Variants in ADCY10 observed in about 807,000 individuals in gnomAD.
ADCY10 encodes adenylate cyclase type 10.
In ADCY10, 156 loss-of-function variants were observed where a neutral mutation model predicts 183.3. That is an observed-to-expected ratio of 0.85 (90% CI 0.75 to 0.97). The LOEUF (loss-of-function observed/expected upper bound fraction) is 0.97. ADCY10 is among the 50% of genes least tolerant of loss of function. The pLI is 0.00. For synonymous variants in ADCY10, 645 were observed against 670.0 expected (o/e 0.96, Z 0.58); for missense variants, 1,745 against 1,934.3 (o/e 0.90, Z 1.84).
At chr1:167,852,050 TG>T (rs1188408603) in intron 18 of ADCY10, among the ~76,000 whole-genome samples, 1 of 152,220 alleles carries the variant, frequency 6.6e-6, no homozygotes, top group African/African-American at 2.4e-5. Flanking sequence ...CACAATATTA[TG>T]TAACCAGAAT....
chr1:167,891,342 C>G (rs1171748197), intron 8 of ADCY10, among the ~76,000 whole-genome samples: 1 of 151,938 alleles, frequency 6.6e-6, no homozygotes, highest in African/African-American at 2.4e-5. Context: ...CTCTCCAACA[C>G]AACAGGCACA....
At chr1:167,855,485 A>C (rs1409729234) in intron 17 of ADCY10, among the ~76,000 whole-genome samples, 1 of 152,184 alleles carries the variant, frequency 6.6e-6, no homozygotes, top group Non-Finnish European at 1.5e-5. Flanking sequence ...GCCAGGTAAG[A>C]CCTTGCTTAG....
At chr1:167,879,960 T>C (rs1667753391) in intron 11 of ADCY10, among the ~76,000 whole-genome samples, 155 bp downstream of exon 11, 1 of 152,222 alleles carries the variant, frequency 6.6e-6, no homozygotes, top group African/African-American at 2.4e-5. Flanking sequence ...TCTGCAAGCA[T>C]TGAGGGCTCC....
chr1:167,820,007 A>C, intron 30 of ADCY10: 1 of 1,542,768 alleles, frequency 6.5e-7, no homozygotes, highest in Non-Finnish European at 9.0e-7. Context: ...TCTCCTTGGG[A>C]CTTTCTTCTT....
rs777295696 is a variant in ADCY10 at position 167,810,901 on chromosome 1, G to C, written c.4495C>G (p.Leu1499Val). ...GEELLKNLEN[L>V]VAQNTTGPVF... is the part of the protein sequence containing the mutation. ...GGGCCAGTGGTATTTTGAGCCACCA[G>C]ATTCTCCAAGTTCTAAAGAAAAAAA... The change falls in exon 32 of 33, where the codon CTG (leucine) becomes GTG (valine). Residue 1499 changes from leucine to valine, a missense_variant. Transcript: ENST00000367851. The C allele has an allele frequency of 4.3e-6, 7 of 1,613,974 alleles. No homozygotes were observed. The highest frequency in any genetic ancestry group is 5.9e-6 in the Non-Finnish European group (7 of 1,180,020).
At chr1:167,885,333 G>C (rs1236045520) in intron 8 of ADCY10, among the ~76,000 whole-genome samples, 2 of 152,124 alleles carry the variant, frequency 1.3e-5, no homozygotes, top group Non-Finnish European at 2.9e-5. Flanking sequence ...TTGTATGGTA[G>C]CTCTATTTTT....
intron 21 of ADCY10, among the ~76,000 whole-genome samples, chr1:167,840,254 G>C (rs1664518470): frequency 6.6e-6 from 1 of 151,758 alleles, no homozygotes; most frequent in African/African-American, 2.4e-5. Flanking sequence ...TGGTAATGGT[G>C]ATAGAATGGG....
intron 6 of ADCY10, among the ~76,000 whole-genome samples, chr1:167,899,146 G>C (rs1447588698): frequency 6.6e-6 from 1 of 152,148 alleles, no homozygotes; most frequent in Non-Finnish European, 1.5e-5. Flanking sequence ...GGTTCCTTAA[G>C]CAAGGTCGCT....
intron 17 of ADCY10, 52 bp from the exon 18 acceptor site, chr1:167,854,541 A>G (rs766723141): frequency 6.3e-7 from 1 of 1,596,104 alleles, no homozygotes; most frequent in South Asian, 1.1e-5. Context: ...TCTTTTAGGA[A>G]GGAAAAATAT....
chr1:167,824,601 TG>T, intron 27 of ADCY10, 29 bp from the exon 28 acceptor site: 1 of 1,614,138 alleles, frequency 6.2e-7, no homozygotes, highest in East Asian at 2.2e-5. Context: ...CAGTATATTG[TG>T]GGGCATTCCT....
At chr1:167,819,884 T>G in intron 30 of ADCY10, 1 of 872,576 alleles carries the variant, frequency 1.1e-6, no homozygotes, top group Non-Finnish European at 1.9e-6. Flanking sequence ...AATAGCCAAA[T>G]ATTTAAAGCC....
At chr1:167,904,340 C>G (rs774332192) in intron 2 of ADCY10, among the ~76,000 whole-genome samples, 1 of 152,124 alleles carries the variant, frequency 6.6e-6, no homozygotes, top group African/African-American at 2.4e-5. Flanking sequence ...CCCTCCTCGG[C>G]CTCCAAAAGT....
At chr1:167,904,838 A>C in intron 2 of ADCY10, 155 bp downstream of exon 2, 1 of 950,882 alleles carries the variant, frequency 1.1e-6, no homozygotes, top group Non-Finnish European at 1.7e-6. Context: ...GCCACAAGCT[A>C]TTTCCTCCCT....
chr1:167,874,346 A>T (rs758239784), intron 13 of ADCY10, among the ~76,000 whole-genome samples: 85 of 152,134 alleles, frequency 5.6e-4, no homozygotes, highest in Admixed American at 1.3e-3. Flanking sequence ...AAATAAATAA[A>T]TAAATAAATC....
chr1:167,812,107 G>A (rs1235401165), intron 31 of ADCY10, among the ~76,000 whole-genome samples: 1 of 152,072 alleles, frequency 6.6e-6, no homozygotes, highest in Middle Eastern at 3.2e-3. Context: ...TGGGAACAAG[G>A]GTGGGCAAAA....
In ADCY10 at chr1:167,899,491, T is replaced by C; in HGVS notation, c.574A>G (p.Asn192Asp). 1 of 1,614,196 alleles carries C rather than the reference T, an allele frequency of 6.2e-7. No homozygotes were observed. The highest frequency in any genetic ancestry group is 2.2e-5 in the East Asian group (1 of 44,884). Reference protein sequence around the residue: ...AQMNDVILSPNCWQLCDRSMI... With the variant: ...AQMNDVILSPDCWQLCDRSMI... ...CTCCGGTCACAGAGCTGCCAGCAGT[T>C]TGGTGACAGAATAACATCATTCATC... Residue 192 changes from asparagine (N) to aspartate (D), a missense_variant, in exon 6 of 33, where the codon AAC (asparagine) becomes GAC (aspartate). Asn to Asp is a conservative substitution (Grantham distance 23, BLOSUM62 1). Coordinates refer to ENST00000367851, the MANE Select transcript of ADCY10 (RefSeq NM_018417.6).
intron 8 of ADCY10, among the ~76,000 whole-genome samples, chr1:167,893,411 A>G (rs1459188827): frequency 6.6e-6 from 1 of 152,182 alleles, no homozygotes; most frequent in Admixed American, 6.6e-5. Flanking sequence ...AGTCACCTAC[A>G]TATAGAGAAT....
chr1:167,862,146 G>A (rs1327832916), intron 14 of ADCY10, among the ~76,000 whole-genome samples: 1 of 152,212 alleles, frequency 6.6e-6, no homozygotes, highest in Non-Finnish European at 1.5e-5. Flanking sequence ...TGAGGGCAGA[G>A]AGCAGACTTT....
chr1:167,851,434 G>A lies in ADCY10; in HGVS notation c.2308+2919C>T, dbSNP rs142218183. Among the ~76,000 whole-genome samples the A allele has an allele frequency of 6.1e-3, 923 of 152,214 alleles. 13 individuals carry two copies. The highest frequency in any genetic ancestry group is 0.021 in the African/African-American group (855 of 41,532). On this transcript the variant is annotated intron_variant, in intron 18 of 32. Transcript: ENST00000367851. ...ACTCCTGGGCTCAAGCAATCCGCCC[G>A]CCTCAGACTCCCAAAGTACTGGGAT... is the stretch of plus-strand genomic sequence containing the variant.
Sources: gnomAD v4.1 joint callset for allele counts (sites outside exome capture counted in the v4.1 genomes callset) on GRCh38, gnomAD v4.1.1 for gene constraint, MANE v1.5 for transcripts, NCBI Gene and HGNC (gene_info 2026-07-23, HGNC 2026-07-21) for gene names.